PRMT8: variants seen among roughly 807,000 people sequenced by gnomAD.
The protein encoded by PRMT8 is protein arginine N-methyltransferase 8.
In PRMT8, 7 loss-of-function variants were observed where a neutral mutation model predicts 47.1. That is an observed-to-expected ratio of 0.15 (90% confidence interval 0.08 to 0.28). The LOEUF (loss-of-function observed/expected upper bound fraction) is 0.28, where lower values mean the gene tolerates loss of function less well. PRMT8 is among the 10% of genes least tolerant of loss of function. The pLI is 1.00. For synonymous variants in PRMT8, 188 were observed against 186.5 expected, an observed-to-expected ratio of 1.01 and a Z score of -0.07; for missense variants, 237 against 505.4, an observed-to-expected ratio of 0.47 and a Z score of 5.09.
At chr12:3,411,475 G>A (rs1184451178) in intron 1 of PRMT8, among the ~76,000 whole-genome samples, 1 of 152,172 alleles carries the variant, frequency 6.6e-6, no homozygotes, top group South Asian at 2.1e-4. Flanking sequence ...ACATACTGGA[G>A]GTGGAACTTT....
At chr12:3,389,351 A>T (rs915417679) in intron 1 of PRMT8, among the ~76,000 whole-genome samples, 1 of 151,972 alleles carries the variant, frequency 6.6e-6, no homozygotes, top group African/African-American at 2.4e-5. Flanking sequence ...GCGCTGCAAA[A>T]TCCCTAAGGT....
chr12:3,523,415 G>C (rs531213647), intron 1 of PRMT8, among the ~76,000 whole-genome samples: 1 of 152,218 alleles, frequency 6.6e-6, no homozygotes, highest in South Asian at 2.1e-4. Context: ...GGATCCTGTA[G>C]GACGGTTAGC....
intron 1 of PRMT8, among the ~76,000 whole-genome samples, chr12:3,457,783 C>G (rs7304950): frequency 0.53 from 79,330 of 150,490 alleles, 22,297 homozygotes; most frequent in Non-Finnish European, 0.63. Context: ...AAATAAAGAT[C>G]TGCAACCCCC....
chr12:3,525,891 A>G (rs2137147327), intron 1 of PRMT8, among the ~76,000 whole-genome samples: 1 of 152,280 alleles, frequency 6.6e-6, no homozygotes, highest in Middle Eastern at 3.4e-3. Context: ...AAAATTTACC[A>G]TCTTAACCAT....
At chr12:3,544,591 G>A (rs1046872497) in intron 2 of PRMT8, among the ~76,000 whole-genome samples, 4 of 152,212 alleles carry the variant, frequency 2.6e-5, no homozygotes, top group Admixed American at 6.5e-5. Context: ...CTTACAGGCT[G>A]GGGGTACTTA....
At chr12:3,517,310 G>T (rs547232629) in intron 1 of PRMT8, among the ~76,000 whole-genome samples, 1 of 152,134 alleles carries the variant, frequency 6.6e-6, no homozygotes, top group Admixed American at 6.5e-5. Flanking sequence ...CTGGTGGCCC[G>T]TACAGAGATC....
At chr12:3,578,259 C>T (rs1242930249) in intron 7 of PRMT8, among the ~76,000 whole-genome samples, 2 of 152,078 alleles carry the variant, frequency 1.3e-5, no homozygotes, top group Non-Finnish European at 2.9e-5. Flanking sequence ...ATCTCTTTCT[C>T]TCTCTGTCAC....
At chr12:3,428,360 T>C (rs1227968067) in intron 1 of PRMT8, among the ~76,000 whole-genome samples, 1 of 152,142 alleles carries the variant, frequency 6.6e-6, no homozygotes, top group African/African-American at 2.4e-5. Flanking sequence ...TGGTGAGCTG[T>C]GCTGACAATG....
Position 3,535,510 on chromosome 12 carries a change from G to A in PRMT8, c.76-5096G>A, listed in dbSNP as rs1269707149. Among the ~76,000 whole-genome samples, 2 of 152,210 alleles carry A rather than the reference G, an allele frequency of 1.3e-5. No homozygotes were observed. The highest frequency in any genetic ancestry group is 2.9e-5 in the Non-Finnish European group (2 of 68,038). On this transcript the variant is annotated intron_variant, in intron 1 of 9. Transcript: ENST00000382622. The surrounding 1 kb of genome is among the most constrained non-coding windows in gnomAD (Gnocchi z 4.7). ...GACCTCCAGCAAGTAACAGGGCCCT[G>A]GGCCTGGGCCTTTGGACGGAGGTGG...
At chr12:3,407,933 C>G (rs1204661655) in intron 1 of PRMT8, among the ~76,000 whole-genome samples, 1 of 151,868 alleles carries the variant, frequency 6.6e-6, no homozygotes, top group Non-Finnish European at 1.5e-5. Context: ...TCATTTCATT[C>G]ACTGAATTCT....
chr12:3,491,144 C>T (rs969086707), upstream of PRMT8: 1 of 986,440 alleles, frequency 1.0e-6, no homozygotes, highest in African/African-American at 1.7e-5. Context: ...CAGCGAACCT[C>T]CTACCCCGCC....
chr12:3,541,640 A>C (rs1311117803), intron 2 of PRMT8, among the ~76,000 whole-genome samples: 1 of 152,224 alleles, frequency 6.6e-6, no homozygotes, highest in Non-Finnish European at 1.5e-5. Context: ...GGTTTTCAAA[A>C]CAAGTCTTGA....
intron 2 of PRMT8, among the ~76,000 whole-genome samples, chr12:3,549,589 A>G (rs910045018): frequency 2.0e-5 from 3 of 152,212 alleles, no homozygotes; most frequent in African/African-American, 4.8e-5. Flanking sequence ...TTCTCTCACC[A>G]TGACAGAAAG....
At chr12:3,461,618 C>A (rs912703305) in intron 1 of PRMT8, among the ~76,000 whole-genome samples, 1 of 152,366 alleles carries the variant, frequency 6.6e-6, no homozygotes, top group Non-Finnish European at 1.5e-5. Flanking sequence ...TCAGCAGACA[C>A]AAGCTCCTTC....
intron 4 of PRMT8, among the ~76,000 whole-genome samples, chr12:3,563,936 C>A (rs1866677293): frequency 6.6e-6 from 1 of 151,982 alleles, no homozygotes; most frequent in African/African-American, 2.4e-5. Context: ...ATGCCCCCCA[C>A]CTTTTTTCCT....
chr12:3,520,464 T>C (rs772037297), intron 1 of PRMT8, among the ~76,000 whole-genome samples: 44 of 152,188 alleles, frequency 2.9e-4, no homozygotes, highest in Non-Finnish European at 3.5e-4. Flanking sequence ...CCTGGAAAGG[T>C]GCCTAACCTA....
rs576016507 is a variant in PRMT8, at chr12:3,572,170, A to G, written c.712+2606A>G. On this transcript the variant is annotated intron_variant, in intron 6 of 9. Transcript: ENST00000382622. This position sits in a 1 kb window ranked among gnomAD's most constrained non-coding sequence, Gnocchi z 5.9. ...AGAACCTGCCCTCCATTTGCTCACC[A>G]ATGAATAGAGACCACATAGAGACAG... 6.6e-6 allele frequency among the ~76,000 whole-genome samples: 1 copy of G among 152,316 alleles called. No homozygotes were observed. Among genetic ancestry groups the G allele is most frequent in the Admixed American group, 6.5e-5 (1 of 15,296 alleles).
In PRMT8 at chr12:3,564,036, G is replaced by A. The variant is rs148183815; in HGVS notation, c.482-4670G>A. Among the ~76,000 whole-genome samples the A allele has an allele frequency of 6.6e-6, 1 of 152,226 alleles. No homozygotes were observed. Among genetic ancestry groups the A allele is most frequent in the Non-Finnish European group, 1.5e-5 (1 of 68,022 alleles). On this transcript the variant is annotated intron_variant, in intron 4 of 9. Transcript: ENST00000382622. The surrounding 1 kb of genome is among the most constrained non-coding windows in gnomAD (Gnocchi z 4.0). ...ATGCTCCGCTATATCCTGGAAATAG[G>A]AAGCTAAAATAGACAACGAAGAGAA...
chr12:3,429,947 T>C (rs1864656483), intron 1 of PRMT8, among the ~76,000 whole-genome samples: 1 of 152,110 alleles, frequency 6.6e-6, no homozygotes, highest in African/African-American at 2.4e-5. Flanking sequence ...GTTAATCACC[T>C]TGCTTCCAGG....
Sources: gnomAD v4.1 joint callset for allele counts (sites outside exome capture counted in the v4.1 genomes callset) on GRCh38, gnomAD v4.1.1 for gene constraint, Gnocchi (gnomAD v3.1) non-coding constraint, MANE v1.5 for transcripts, NCBI Gene and HGNC (gene_info 2026-07-23, HGNC 2026-07-21) for gene names.